Variants in UBAP2 observed in about 807,000 individuals in gnomAD.
The protein encoded by UBAP2 is ubiquitin associated protein 2.
In UBAP2, 75 loss-of-function variants were observed where a neutral mutation model predicts 139.6. That is an observed-to-expected ratio of 0.54 (90% CI 0.45 to 0.65). The LOEUF (loss-of-function observed/expected upper bound fraction) is 0.65, where lower values mean the gene tolerates loss of function less well. Ranked by LOEUF, UBAP2 falls within the 30% of genes least tolerant of loss-of-function variation. The pLI is 0.00. For missense variants in UBAP2, 1,368 were observed against 1,369.6 expected (o/e 1.00, Z 0.02); for synonymous variants, 526 against 526.2 (o/e 1.00, Z 0.01).
At chr9:34,036,184 G>C (rs974568791) in intron 1 of UBAP2, among the ~76,000 whole-genome samples, 13 of 149,064 alleles carry the variant, frequency 8.7e-5, no homozygotes, top group African/African-American at 3.2e-4. Context: ...GCATGATCTT[G>C]GCTCACTGCA....
intron 8 of UBAP2, among the ~76,000 whole-genome samples, chr9:33,967,160 C>G (rs527565817): frequency 7.6e-4 from 115 of 152,136 alleles, no homozygotes; most frequent in Non-Finnish European, 1.3e-3. Context: ...TTTCCATTTT[C>G]TGTTTGTTGA....
intron 16 of UBAP2, among the ~76,000 whole-genome samples, chr9:33,936,585 T>C (rs937400990): frequency 6.6e-5 from 10 of 151,956 alleles, no homozygotes; most frequent in Non-Finnish European, 2.9e-5. Flanking sequence ...TGAGCCACCA[T>C]GTGAGCTGAC....
intron 16 of UBAP2, among the ~76,000 whole-genome samples, chr9:33,936,928 A>C (rs1265047478): frequency 5.8e-4 from 8 of 13,798 alleles, no homozygotes; most frequent in East Asian, 3.8e-3. Context: ...CTCCAGCTCA[A>C]AAAAAAAAAA....
At chr9:33,961,778 T>G (rs539311298) in intron 9 of UBAP2, among the ~76,000 whole-genome samples, 17 of 152,320 alleles carry the variant, frequency 1.1e-4, no homozygotes, top group Admixed American at 4.6e-4. Context: ...GGAGCATGCT[T>G]GTGAGACAAA....
At chr9:33,923,095 A>C in intron 26 of UBAP2, 62 bp from the exon 27 acceptor site, 1 of 1,612,828 alleles carries the variant, frequency 6.2e-7, no homozygotes, top group Non-Finnish European at 8.5e-7. Flanking sequence ...CCCCACCTCC[A>C]GGATCACTCA....
At chr9:34,041,682 G>C (rs1272251905) in intron 1 of UBAP2, among the ~76,000 whole-genome samples, 1 of 152,106 alleles carries the variant, frequency 6.6e-6, no homozygotes, top group Non-Finnish European at 1.5e-5. Context: ...TTCCAGCCTG[G>C]GCAAAAGAGC....
chr9:34,010,886 T>C (rs969946805), intron 2 of UBAP2, among the ~76,000 whole-genome samples: 1 of 152,146 alleles, frequency 6.6e-6, no homozygotes, highest in Non-Finnish European at 1.5e-5. Flanking sequence ...CATGCAGATA[T>C]GTCAGAGTAG....
chr9:34,030,712 G>A (rs1397880727), intron 1 of UBAP2, among the ~76,000 whole-genome samples: 1 of 151,906 alleles, frequency 6.6e-6, no homozygotes, highest in African/African-American at 2.4e-5. Context: ...GGATCACAAG[G>A]TCAGGTGATC....
At chr9:33,983,757 C>T (rs1489608125) in intron 6 of UBAP2, among the ~76,000 whole-genome samples, 15 of 152,154 alleles carry the variant, frequency 9.9e-5, no homozygotes. Context: ...CTATCTTTGA[C>T]AATAGTAAGT....
chr9:34,046,732 T>G (rs550349463), intron 1 of UBAP2, among the ~76,000 whole-genome samples: 32 of 151,620 alleles, frequency 2.1e-4, no homozygotes, highest in Non-Finnish European at 4.3e-4. Context: ...TCTACACATA[T>G]TTTATACTTA....
At chr9:33,948,661 T>C (rs922195088) in intron 12 of UBAP2, 74 bp from the exon 13 acceptor site, 2 of 1,231,094 alleles carry the variant, frequency 1.6e-6, no homozygotes, top group Admixed American at 4.1e-5. Flanking sequence ...ACATATCAAG[T>C]ATTTTCACAA....
At chr9:33,947,978 T>C (rs1401286180) in intron 13 of UBAP2, among the ~76,000 whole-genome samples, 2 of 97,266 alleles carry the variant, frequency 2.1e-5, no homozygotes, top group Non-Finnish European at 3.9e-5. Flanking sequence ...GAAGACCCCA[T>C]CTCAAAAAAA....
chr9:33,983,072 G>A (rs1476565485), intron 6 of UBAP2, among the ~76,000 whole-genome samples: 3 of 151,920 alleles, frequency 2.0e-5, no homozygotes, highest in African/African-American at 4.8e-5. Context: ...TAGAGACAGG[G>A]TTTCACTATG....
chr9:34,033,178 A>G (rs1255078355), intron 1 of UBAP2, among the ~76,000 whole-genome samples: 1 of 152,174 alleles, frequency 6.6e-6, no homozygotes, highest in African/African-American at 2.4e-5. Flanking sequence ...TGTTTGTTGC[A>G]GCACTGTTTA....
At chr9:34,001,790 G>A (rs896053652) in intron 2 of UBAP2, among the ~76,000 whole-genome samples, 1 of 151,998 alleles carries the variant, frequency 6.6e-6, no homozygotes, top group Non-Finnish European at 1.5e-5. Context: ...TACCATACCA[G>A]CAGATTCAGG....
intron 2 of UBAP2, among the ~76,000 whole-genome samples, chr9:33,999,714 G>A (rs1280256508): frequency 2.0e-5 from 3 of 151,752 alleles, no homozygotes; most frequent in Admixed American, 1.3e-4. Flanking sequence ...CCCTCTTCAC[G>A]ATTTTTTCTT....
intron 1 of UBAP2, among the ~76,000 whole-genome samples, chr9:34,034,829 C>A (rs767635866): frequency 6.6e-6 from 1 of 151,772 alleles, no homozygotes; most frequent in Non-Finnish European, 1.5e-5. Context: ...GTCAAGATCA[C>A]GCCACTGCAC....
intron 11 of UBAP2, 110 bp downstream of exon 11, chr9:33,955,969 A>AT (rs2130987816): frequency 1.2e-6 from 1 of 806,530 alleles, no homozygotes; most frequent in South Asian, 1.9e-5. Context: ...TTAGCCTTGG[A>AT]TAAAAAGGGA....
At chr9:33,945,327 T>A (rs1825573543) in intron 13 of UBAP2, among the ~76,000 whole-genome samples, 1 of 151,976 alleles carries the variant, frequency 6.6e-6, no homozygotes, top group African/African-American at 2.4e-5. Flanking sequence ...TGAAACCCCA[T>A]CTCTACTAAA....
Sources: gnomAD v4.1 joint callset for allele counts (sites outside exome capture counted in the v4.1 genomes callset) on GRCh38, gnomAD v4.1.1 for gene constraint, MANE v1.5 for transcripts, NCBI Gene and HGNC (gene_info 2026-07-23, HGNC 2026-07-21) for gene names.